Variants in DPYD observed in about 807,000 individuals in gnomAD.
The protein encoded by DPYD is dihydropyrimidine dehydrogenase [NADP(+)].
DPYD carries 109 observed loss-of-function variants against 116.2 expected under a neutral mutation model. The ratio of observed to expected loss-of-function variants is 0.94; its 90% CI spans 0.80 to 1.10. The LOEUF (loss-of-function observed/expected upper bound fraction) is 1.10. DPYD is among the 50% of genes least tolerant of loss of function. The pLI, the probability that DPYD is intolerant of heterozygous loss-of-function variation, is 0.00. For synonymous variants in DPYD, 440 were observed against 432.0 expected (o/e 1.02, Z -0.23); for missense variants, 1,302 against 1,254.5 (o/e 1.04, Z -0.57).
chr1:97,322,706 G>A (rs1288926543), intron 16 of DPYD: 19 of 151,934 alleles, frequency 1.3e-4, no homozygotes, highest in Admixed American at 1.2e-3. Flanking sequence ...TAATCTTTCA[G>A]GTGTCAAGGA....
At chr1:97,742,032 T>A (rs1557925325) in intron 3 of DPYD, among the ~76,000 whole-genome samples, 1 of 151,990 alleles carries the variant, frequency 6.6e-6, no homozygotes. Flanking sequence ...ACAAGGTAGG[T>A]GAACTAATGA....
chr1:97,149,374 T>C (rs1300033094), intron 20 of DPYD, among the ~76,000 whole-genome samples: 2 of 152,130 alleles, frequency 1.3e-5, no homozygotes, highest in Non-Finnish European at 2.9e-5. Context: ...TGCCTCAACA[T>C]CCCAAGTAGC....
intron 12 of DPYD, among the ~76,000 whole-genome samples, chr1:97,527,483 T>C (rs1025146551): frequency 6.6e-6 from 1 of 151,996 alleles, no homozygotes; most frequent in Non-Finnish European, 1.5e-5. Flanking sequence ...ACACACAGAG[T>C]ACATATACAC....
intron 3 of DPYD, among the ~76,000 whole-genome samples, chr1:97,823,381 C>A (rs1433140106): frequency 1.3e-5 from 2 of 152,146 alleles, no homozygotes; most frequent in East Asian, 3.9e-4. Context: ...GTCTCCATCT[C>A]CTGTGACAAC....
intron 18 of DPYD, among the ~76,000 whole-genome samples, chr1:97,264,047 A>G (rs904352541): frequency 4.6e-5 from 7 of 151,976 alleles, no homozygotes; most frequent in Admixed American, 3.9e-4. Context: ...AATCAGATCA[A>G]TGCTGCAACA....
chr1:97,280,670 C>T (rs564802530), intron 18 of DPYD, among the ~76,000 whole-genome samples: 1 of 151,710 alleles, frequency 6.6e-6, no homozygotes, highest in East Asian at 1.9e-4. Flanking sequence ...AACTCACTCA[C>T]ATGTGGAATC....
chr1:97,625,384 G>C (rs2100780449), intron 8 of DPYD, among the ~76,000 whole-genome samples: 1 of 152,088 alleles, frequency 6.6e-6, no homozygotes, highest in African/African-American at 2.4e-5. Context: ...CTGGATTAGA[G>C]TAGTATCAGA....
intron 3 of DPYD, among the ~76,000 whole-genome samples, chr1:97,753,768 GCAATTAGAAACAA>G (rs1317793203): frequency 2.0e-5 from 3 of 151,386 alleles, no homozygotes; most frequent in Admixed American, 6.6e-5. Context: ...CAAAATAAAA[GCAATTAGAAACAA>G]CATTTATAAC....
At chr1:97,344,023 G>A (rs1669716423) in intron 16 of DPYD, among the ~76,000 whole-genome samples, 1 of 151,500 alleles carries the variant, frequency 6.6e-6, no homozygotes, top group African/African-American at 2.4e-5. Context: ...ACTAATAATT[G>A]CAATTATATT....
intron 20 of DPYD, among the ~76,000 whole-genome samples, chr1:97,109,022 T>C (rs1651387287): frequency 6.6e-6 from 1 of 152,144 alleles, no homozygotes; most frequent in Non-Finnish European, 1.5e-5. Context: ...ACTAGCTGAA[T>C]GACCTGGGGC....
chr1:97,316,470 C>T (rs11583545), intron 16 of DPYD, among the ~76,000 whole-genome samples: 33,765 of 149,878 alleles, frequency 0.23, 4,060 homozygotes, highest in Non-Finnish European at 0.28. Flanking sequence ...GCCGAGATTG[C>T]GTCACTGCAT....
chr1:97,478,942 G>C (rs565483771), intron 13 of DPYD, among the ~76,000 whole-genome samples: 6 of 152,238 alleles, frequency 3.9e-5, no homozygotes, highest in African/African-American at 1.2e-4. Flanking sequence ...ACTTCTGTTG[G>C]CTTCAAACTT....
intron 8 of DPYD, among the ~76,000 whole-genome samples, chr1:97,624,497 G>T (rs1022043305): frequency 6.6e-6 from 1 of 151,918 alleles, no homozygotes; most frequent in Non-Finnish European, 1.5e-5. Flanking sequence ...GTGGAGAAAA[G>T]AAAACACTCT....
At chr1:97,512,041 C>A (rs1049414527) in intron 13 of DPYD, among the ~76,000 whole-genome samples, 17 of 151,802 alleles carry the variant, frequency 1.1e-4, no homozygotes, top group African/African-American at 3.6e-4. Flanking sequence ...ACATTCAATT[C>A]TTTTATGTGT....
chr1:97,363,457 T>C (rs1670853022), intron 16 of DPYD, among the ~76,000 whole-genome samples: 1 of 152,166 alleles, frequency 6.6e-6, no homozygotes, highest in African/African-American at 2.4e-5. Flanking sequence ...ACTGGGTATA[T>C]ACAAAAAGGA....
chr1:97,839,418 G>GT (rs1558000500), intron 2 of DPYD, among the ~76,000 whole-genome samples: 3 of 151,910 alleles, frequency 2.0e-5, no homozygotes, highest in Admixed American at 2.0e-4. Context: ...TTATGTTGCA[G>GT]CTTTTTGTGT....
At chr1:97,087,081 A>G (rs1267708986) in intron 21 of DPYD, among the ~76,000 whole-genome samples, 1 of 152,268 alleles carries the variant, frequency 6.6e-6, no homozygotes, top group East Asian at 1.9e-4. Flanking sequence ...TTCTTCCTTT[A>G]CTAATGCTCC....
intron 6 of DPYD, among the ~76,000 whole-genome samples, chr1:97,693,290 C>CAAAAAA (rs201872835): frequency 4.8e-5 from 2 of 41,844 alleles, no homozygotes; most frequent in African/African-American, 2.8e-4. Flanking sequence ...GACTCCGTCT[C>CAAAAAA]AAAAAAAAAA....
chr1:97,194,017 C>A (rs952658858), intron 19 of DPYD, among the ~76,000 whole-genome samples: 1 of 152,128 alleles, frequency 6.6e-6, no homozygotes, highest in African/African-American at 2.4e-5. Flanking sequence ...ATTTAGTTGA[C>A]AACTCACTTC....
Sources: allele counts gnomAD v4.1 joint callset (sites outside exome capture counted in the v4.1 genomes callset), GRCh38; gene constraint gnomAD v4.1.1; transcripts MANE v1.5; gene names NCBI Gene and HGNC (gene_info 2026-07-23, HGNC 2026-07-21).